Variants in GSAP observed in about 807,000 individuals in gnomAD.
GSAP encodes gamma-secretase activating protein, also known as gamma-secretase-activating protein.
Under a neutral mutation model 131.7 loss-of-function variants are expected in GSAP, and 118 were observed. The ratio of observed to expected loss-of-function variants is 0.90; its 90% CI spans 0.77 to 1.04. The LOEUF is 1.04. Ranked by LOEUF, GSAP falls within the 50% of genes least tolerant of loss-of-function variation. The probability of loss-of-function intolerance (pLI) is 0.00; values close to 1 mark genes in which losing one functional copy is unlikely to be tolerated. For missense variants in GSAP, 1,019 were observed against 1,013.2 expected (o/e 1.01, Z -0.08); for synonymous variants, 381 against 363.4 (o/e 1.05, Z -0.55).
At chr7:77,360,548 G>T (rs758052755) in intron 14 of GSAP, among the ~76,000 whole-genome samples, 3 of 152,044 alleles carry the variant, frequency 2.0e-5, no homozygotes, top group Non-Finnish European at 2.9e-5. Context: ...AGCTTTTTAG[G>T]CTGCTACCAA....
Position 77,357,343 on chromosome 7 carries a change from A to G in GSAP, c.1028-1696T>C, listed in dbSNP as rs146858220. 9.0e-4 allele frequency among the ~76,000 whole-genome samples: 137 copies of G among 152,332 alleles called. 1 individual carries two copies. The highest frequency in any genetic ancestry group is 2.6e-3 in the African/African-American group (109 of 41,572). ...ATCCCCAGAGCCTGTGAATAGGGTA[A>G]AAGAGATCTTGCAGATGTGACTAGG... On this transcript the variant is annotated intron_variant, in intron 14 of 30. Transcript: ENST00000257626.
chr7:77,397,813 T>C (rs1481911641), intron 3 of GSAP, among the ~76,000 whole-genome samples: 1 of 152,078 alleles, frequency 6.6e-6, no homozygotes, highest in Admixed American at 6.6e-5. Flanking sequence ...GAGGATCAAG[T>C]GAGATAATCT....
chr7:77,338,973 T>C (rs1427270432), intron 19 of GSAP, among the ~76,000 whole-genome samples: 1 of 152,004 alleles, frequency 6.6e-6, no homozygotes, highest in Non-Finnish European at 1.5e-5. Flanking sequence ...ACTTATCTAC[T>C]AAGGAGAAAA....
At chr7:77,347,378 C>T (rs2150809525) in intron 19 of GSAP, among the ~76,000 whole-genome samples, 1 of 152,180 alleles carries the variant, frequency 6.6e-6, no homozygotes, top group South Asian at 2.1e-4. Context: ...GTCCCCCAAC[C>T]TGTGGGATCT....
At chr7:77,408,707 A>G (rs930867684) in intron 1 of GSAP, among the ~76,000 whole-genome samples, 19 of 151,032 alleles carry the variant, frequency 1.3e-4, no homozygotes, top group South Asian at 2.1e-4. Flanking sequence ...AAAAAAAAAA[A>G]AAAAAAGAAA....
chr7:77,368,565 T>C (rs1297990911), intron 12 of GSAP, among the ~76,000 whole-genome samples: 1 of 152,162 alleles, frequency 6.6e-6, no homozygotes, highest in Non-Finnish European at 1.5e-5. Context: ...GACTCAGGCA[T>C]TTGTATTTTT....
At chr7:77,413,264 CTGAAA>C (rs1157715599) in intron 1 of GSAP, among the ~76,000 whole-genome samples, 2 of 152,208 alleles carry the variant, frequency 1.3e-5, no homozygotes, top group East Asian at 3.8e-4. Flanking sequence ...AGCTTCGGAA[CTGAAA>C]TGGAGTTGTC....
At chr7:77,393,628 A>C (rs913868155) in intron 5 of GSAP, among the ~76,000 whole-genome samples, 4 of 151,178 alleles carry the variant, frequency 2.6e-5, no homozygotes, top group Non-Finnish European at 4.4e-5. Context: ...TTATGTTCCC[A>C]TGAAATCCGG....
chr7:77,376,661 T>C (rs1584584872), intron 10 of GSAP, among the ~76,000 whole-genome samples, 187 bp downstream of exon 10: 1 of 150,648 alleles, frequency 6.6e-6, no homozygotes, highest in South Asian at 2.1e-4. Context: ...CCTGTAGTCC[T>C]AGCTACTCAG....
Position 77,362,647 on chromosome 7 carries a change from T to C in GSAP, c.885A>G (p.Val295=), listed in dbSNP as rs771538880. ...VFTNHTGSLC[V]CYSPKCASWG... is the part of the protein sequence containing the mutation. ...AAGAGGCACACTTCGGGCTGTAACATACACACAAACTTCCTAGAAGAAAAA... is the reference window on the plus strand; with the variant it reads ...AAGAGGCACACTTCGGGCTGTAACACACACACAAACTTCCTAGAAGAAAAA... The change falls in exon 13 of 31, where the codon GTA becomes GTG. Residue 295 remains valine, a synonymous_variant. Transcript: ENST00000257626. 4 of 1,568,384 alleles carry C rather than the reference T, an allele frequency of 2.6e-6. No individual in the cohort carries two copies. In the Admixed American group the frequency reaches 5.0e-5, roughly 20 times the overall value.
chr7:77,396,224 A>G (rs1362468689), intron 5 of GSAP, among the ~76,000 whole-genome samples: 1 of 152,236 alleles, frequency 6.6e-6, no homozygotes, highest in South Asian at 2.1e-4. Flanking sequence ...TAAAGAAAAA[A>G]AATATTTCTT....
At chr7:77,406,479 A>G (rs963352426) in intron 1 of GSAP, among the ~76,000 whole-genome samples, 2 of 152,250 alleles carry the variant, frequency 1.3e-5, no homozygotes, top group African/African-American at 4.8e-5. Flanking sequence ...ATATATCATT[A>G]AGGGCATACG....
intron 3 of GSAP, among the ~76,000 whole-genome samples, chr7:77,403,820 A>T (rs1801791725): frequency 6.6e-6 from 1 of 152,232 alleles, no homozygotes; most frequent in Non-Finnish European, 1.5e-5. Context: ...TAGTCCTTGC[A>T]TTTTTTGTTT....
At chr7:77,388,313 T>C (rs1392136870) in intron 5 of GSAP, among the ~76,000 whole-genome samples, 2 of 152,354 alleles carry the variant, frequency 1.3e-5, no homozygotes, top group Non-Finnish European at 2.9e-5. Context: ...ATGGCAAATA[T>C]TGTTTGTGTA....
chr7:77,353,444 G>T (rs868670192), intron 17 of GSAP, 128 bp downstream of exon 17: 315 of 517,540 alleles, frequency 6.1e-4, no homozygotes, highest in Middle Eastern at 2.1e-3. Context: ...ATAGAGTTTT[G>T]TTTTTTTTTT....
chr7:77,377,434 T>A, intron 8 of GSAP, 44 bp from the exon 9 acceptor site: 3 of 1,500,512 alleles, frequency 2.0e-6, no homozygotes, highest in Non-Finnish European at 2.7e-6. Flanking sequence ...TATGAATAAC[T>A]TTTAAAGGAG....
chr7:77,382,984 A>G (rs1798014393), intron 6 of GSAP, among the ~76,000 whole-genome samples: 1 of 152,170 alleles, frequency 6.6e-6, no homozygotes, highest in Non-Finnish European at 1.5e-5. Flanking sequence ...TCAGGAGTTC[A>G]AGACCAGCCT....
intron 26 of GSAP, among the ~76,000 whole-genome samples, chr7:77,319,800 G>A (rs1203756244): frequency 6.6e-6 from 1 of 152,146 alleles, no homozygotes; most frequent in Non-Finnish European, 1.5e-5. Flanking sequence ...GATACTGCAT[G>A]ATTCCACTTA....
At chr7:77,348,546 A>T (rs1010229840) in intron 19 of GSAP, among the ~76,000 whole-genome samples, 3 of 152,214 alleles carry the variant, frequency 2.0e-5, no homozygotes, top group African/African-American at 7.2e-5. Context: ...AATGGAAATA[A>T]AAGGCGTCAG....
Sources: gnomAD v4.1 joint callset for allele counts (sites outside exome capture counted in the v4.1 genomes callset) on GRCh38, gnomAD v4.1.1 for gene constraint, MANE v1.5 for transcripts, NCBI Gene and HGNC (gene_info 2026-07-23, HGNC 2026-07-21) for gene names.